ZNF419: variants seen among roughly 807,000 people sequenced by gnomAD.
The protein encoded by ZNF419 is zinc finger protein 419, also known as zinc finger protein 419A.
Under a neutral mutation model 14.9 loss-of-function variants are expected in ZNF419, and 8 were observed. The ratio of observed to expected loss-of-function variants is 0.54; its 90% CI spans 0.32 to 0.97. The LOEUF (loss-of-function observed/expected upper bound fraction) is 0.97, where lower values mean the gene tolerates loss of function less well. Ranked by LOEUF, ZNF419 falls within the 50% of genes least tolerant of loss-of-function variation. The pLI is 0.04. For missense variants in ZNF419, 595 were observed against 607.2 expected, an observed-to-expected ratio of 0.98 and a Z score of 0.21; for synonymous variants, 211 against 205.3, an observed-to-expected ratio of 1.03 and a Z score of -0.24.
At position 57,494,169 on chromosome 19, in the gene ZNF419, C is replaced by T. The variant is rs2089576888; in HGVS notation, c.*79C>T. 6.6e-7 allele frequency: 1 copy of T among 1,524,904 alleles called. No homozygotes were observed. Among genetic ancestry groups the T allele is most frequent in the Non-Finnish European group, 8.8e-7 (1 of 1,140,892 alleles). 94.5% of individuals were successfully genotyped at this position (1,524,904 alleles called of 1,614,324 possible). On this transcript the variant is annotated 3_prime_UTR_variant, in exon 5 of 5. Transcript: ENST00000221735. ...ACAGTGGAAAAAATCTTGAAGGTAA[C>T]AGATGGAAATCCGTTAGCCACACCT...
chr19:57,491,221 A>G (rs1405045083), intron 2 of ZNF419: 16 of 556,080 alleles, frequency 2.9e-5, no homozygotes, highest in East Asian at 1.5e-4. Flanking sequence ...TCCAAGGTAA[A>G]TTGTCTGGCA....
Position 57,493,220 on chromosome 19 carries a change from C to G in ZNF419, c.663C>G (p.His221Gln), listed in dbSNP as rs774969969. 8.4e-5 allele frequency: 135 copies of G among 1,614,048 alleles called. 1 individual carries two copies. In the South Asian group the frequency reaches 1.4e-3, roughly 17 times the overall value. Residue 221 changes from histidine (H) to glutamine (Q), a missense_variant, in exon 5 of 5, where the codon CAC becomes CAG. Physicochemically the swap from His to Gln is conservative, Grantham distance 24. Transcript: ENST00000221735. ...GTCAGAAATATTTACTTGTTCAGCA[C>G]CAGAGACTACATGCTGGGAAAAAGA... ...AFGQKYLLVQHQRLHAGKKTY... is the reference protein window; with the variant it reads ...AFGQKYLLVQQQRLHAGKKTY...
rs1411889511 is a variant in ZNF419, at chr19:57,494,022, G to A, written c.1465G>A (p.Gly489Arg). 6.2e-7 allele frequency: 1 copy of A among 1,613,234 alleles called. No homozygotes were observed. Among genetic ancestry groups the A allele is most frequent in the Non-Finnish European group, 8.5e-7 (1 of 1,179,806 alleles). Residue 489 changes from glycine to arginine, a missense_variant, in exon 5 of 5, where the codon GGG becomes AGG. Transcript: ENST00000221735. ...GAKPYECREC[G>R]KFFRHNSSLF... is the part of the protein sequence containing the mutation. ...AAAGCCTTATGAGTGCAGGGAATGTGGGAAGTTTTTTCGCCACAACTCCAG... is the reference window on the plus strand; with the variant it reads ...AAAGCCTTATGAGTGCAGGGAATGTAGGAAGTTTTTTCGCCACAACTCCAG...
In ZNF419 at chr19:57,490,214, A is replaced by C. The variant is rs773023207; in HGVS notation, c.72+29A>C. ...AGTGGAGGATGTCTCAGGTCCTCAC[A>C]CTCCTGCACTCCTACCTACATGGTC... On this transcript the variant is annotated intron_variant, in intron 2 of 4. Transcript: ENST00000221735. 1.3e-5 allele frequency: 21 copies of C among 1,603,782 alleles called. No homozygotes were observed. The Admixed American group carries it at 1.9e-4, about 14-fold the overall frequency.
chr19:57,492,745 C>A, intron 4 of ZNF419, 111 bp from the exon 5 acceptor site: 1 of 1,416,118 alleles, frequency 7.1e-7, no homozygotes, highest in Non-Finnish European at 1.0e-6. Flanking sequence ...CTCTTTATTT[C>A]TGCTAGCAGC....
At chr19:57,489,867 A>G in intron 1 of ZNF419, 1 of 371,204 alleles carries the variant, frequency 2.7e-6, no homozygotes, top group Non-Finnish European at 4.9e-6. Flanking sequence ...GTGTACAGTA[A>G]GAGTTGATAC....
intron 4 of ZNF419, chr19:57,492,593 G>T (rs1467067653): frequency 1.9e-5 from 14 of 750,910 alleles, no homozygotes; most frequent in Non-Finnish European, 3.4e-5. Flanking sequence ...GCCATTTGCA[G>T]AGGATTGTGT....
chr19:57,490,375 A>G (rs1327740603), intron 2 of ZNF419, 190 bp downstream of exon 2: 4 of 422,784 alleles, frequency 9.5e-6, no homozygotes, highest in Middle Eastern at 6.3e-4. Context: ...TTCTTTTAAG[A>G]CAGAGTTTTG....
chr19:57,490,108 A>T, intron 1 of ZNF419, 39 bp from the exon 2 acceptor site: 1 of 1,604,120 alleles, frequency 6.2e-7, no homozygotes, highest in East Asian at 2.2e-5. Context: ...TCCTTTGGCA[A>T]CATCACTGTC....
In ZNF419 at chr19:57,493,486, C is replaced by A; in HGVS notation, c.929C>A (p.Thr310Asn). The A allele has an allele frequency of 1.2e-6, 2 of 1,614,106 alleles. No individual in the cohort carries two copies. The highest frequency in any genetic ancestry group is 4.5e-5 in the East Asian group (2 of 44,868). Residue 310 changes from threonine to asparagine, a missense_variant, in exon 5 of 5, where the codon ACT (threonine) becomes AAT (asparagine). Physicochemically the swap from Thr to Asn is moderately conservative, Grantham distance 65. Transcript: ENST00000221735. ...STLVQHHKIH[T>N]GVRPYECSEC... ...CTTGTTCAGCATCACAAAATCCACA[C>A]TGGAGTAAGGCCTTATGAGTGCAGT...
chr19:57,488,039 C>T (rs1328955216), intron 1 of ZNF419, 56 bp downstream of exon 1: 1 of 1,608,036 alleles, frequency 6.2e-7, no homozygotes, highest in Non-Finnish European at 8.5e-7. Flanking sequence ...TGAGGGCCGC[C>T]TGCTCAGGTC....
Position 57,493,265 on chromosome 19 carries a change from TG to T in ZNF419, c.711del (p.Lys238SerfsTer14). 6.2e-7 allele frequency: 1 copy of T among 1,614,250 alleles called. No individual in the cohort carries two copies. Among genetic ancestry groups the T allele is most frequent in the South Asian group, 1.1e-5 (1 of 91,090 alleles). On this transcript the variant is annotated frameshift_variant, in exon 5 of 5. Coordinates refer to ENST00000221735, the MANE Select transcript of ZNF419 (RefSeq NM_024691.4). LOFTEE classifies it low-confidence loss of function (END_TRUNC). ...AAAAGACGTATGAATGCAGTGAATG[TG>T]GGAAGTTATTTAGAGATATGTCCAA... ...GKKTYECSEC[G>X]KLFRDMSNLF...
At chr19:57,490,040 C>G in intron 1 of ZNF419, 107 bp from the exon 2 acceptor site, 1 of 1,048,794 alleles carries the variant, frequency 9.5e-7, no homozygotes, top group Non-Finnish European at 1.4e-6. Flanking sequence ...GAACCAAAGC[C>G]CAGATTGTAG....
At chr19:57,491,758 C>T (rs2089490704) in intron 3 of ZNF419, 161 bp downstream of exon 3, 1 of 1,073,010 alleles carries the variant, frequency 9.3e-7, no homozygotes, top group African/African-American at 1.6e-5. Flanking sequence ...GTGTATACTA[C>T]CACCTTCTCT....
Position 57,490,292 on chromosome 19 carries a change from C to G in ZNF419, c.72+107C>G. On this transcript the variant is annotated intron_variant, in intron 2 of 4. Coordinates refer to ENST00000221735, the MANE Select transcript of ZNF419 (RefSeq NM_024691.4). ...TTGCTGGCTATTCTCCCTACCCTTC[C>G]ATTTGAGTTCCCTGGAAGATGGTCA... is the stretch of plus-strand genomic sequence containing the variant. 3.0e-6 allele frequency: 3 copies of G among 1,008,202 alleles called. No homozygotes were observed. In the South Asian group the frequency reaches 4.2e-5, roughly 14 times the overall value. The allele number at this position is 1,008,202 out of a possible 1,614,324, so 62.5% of individuals were successfully genotyped here. A position where few individuals can be genotyped will look rare whatever the true frequency, so the allele number is the denominator to read the frequency against.
intron 1 of ZNF419, chr19:57,488,392 T>C (rs1202191008): frequency 1.4e-5 from 3 of 220,274 alleles, no homozygotes; most frequent in Non-Finnish European, 2.7e-5. Context: ...AAGACAGACC[T>C]GTGAGTAGGT....
rs1414778474 is a variant in ZNF419, at chr19:57,494,268, G to A, written c.*178G>A. The A allele has an allele frequency of 4.1e-6, 4 of 985,772 alleles. No individual in the cohort carries two copies. In the East Asian group the frequency reaches 8.0e-5, roughly 20 times the overall value. 61.1% of individuals were successfully genotyped at this position (985,772 alleles called of 1,614,324 possible). A position where few individuals can be genotyped will look rare whatever the true frequency, so the allele number is the denominator to read the frequency against. ...ATATGGAAAAAGGTTTCAGCCAAAG[G>A]CCTAACCCTATTCAACACCAGAAAG... On this transcript the variant is annotated 3_prime_UTR_variant, in exon 5 of 5. Coordinates refer to ENST00000221735, the MANE Select transcript of ZNF419 (RefSeq NM_024691.4).
At position 57,487,813 on chromosome 19, in the gene ZNF419, C is replaced by T. The variant is rs1378947768; in HGVS notation, c.-138C>T. 2.3e-6 allele frequency: 3 copies of T among 1,283,694 alleles called. No individual in the cohort carries two copies. The highest frequency in any genetic ancestry group is 1.9e-5 in the Admixed American group (1 of 53,330). The allele number at this position is 1,283,694 out of a possible 1,614,324, so 79.5% of individuals were successfully genotyped here. On this transcript the variant is annotated 5_prime_UTR_variant, in exon 1 of 5. Coordinates refer to ENST00000221735, the MANE Select transcript of ZNF419 (RefSeq NM_024691.4). ...GAAGCTGGTTGTGCGCTGAGGCGAC[C>T]AGCGCCGGAAGGCACGGTGGCGACT...
Position 57,491,547 on chromosome 19 carries a change from T to C in ZNF419, c.149T>C (p.Leu50Pro), listed in dbSNP as rs1159748086. The C allele has an allele frequency of 1.9e-6, 3 of 1,614,028 alleles. No individual in the cohort carries two copies. The East Asian group carries it at 6.7e-5, about 36-fold the overall frequency. The change falls in exon 3 of 5, where the codon CTC becomes CCC. Residue 50 changes from leucine (L) to proline (P), a missense_variant. Coordinates refer to ENST00000221735, the MANE Select transcript of ZNF419 (RefSeq NM_024691.4). ...EWRLLDDAQR[L>P]LYRNVMLENF... ...AGATTGCTTGATGACGCTCAGAGGCTCCTCTACCGCAATGTGATGCTGGAG... is the reference window on the plus strand; with the variant it reads ...AGATTGCTTGATGACGCTCAGAGGCCCCTCTACCGCAATGTGATGCTGGAG...
Sources: allele counts gnomAD v4.1 joint callset, GRCh38; gene constraint gnomAD v4.1.1; transcripts MANE v1.5; gene names NCBI Gene and HGNC (gene_info 2026-07-23, HGNC 2026-07-21).